The following MLLT10 variants were observed in gnomAD, a reference collection of about 807,000 sequenced individuals.
MLLT10 encodes the protein protein AF-10.
A neutral mutation model predicts 129.1 loss-of-function variants in MLLT10; 30 were observed. The ratio of observed to expected loss-of-function variants is 0.23; its 90% CI spans 0.17 to 0.32. The LOEUF (loss-of-function observed/expected upper bound fraction) is 0.32. Ranked by LOEUF, MLLT10 falls within the 10% of genes least tolerant of loss-of-function variation. The probability of loss-of-function intolerance (pLI) is 1.00; values close to 1 mark genes in which losing one functional copy is unlikely to be tolerated. For missense variants in MLLT10, 1,119 were observed against 1,268.3 expected (o/e 0.88, Z 1.79); for synonymous variants, 490 against 446.4 (o/e 1.10, Z -1.23).
intron 8 of MLLT10, chr10:21,626,090 G>C (rs1026462052): frequency 1.6e-5 from 26 of 1,601,652 alleles, no homozygotes; most frequent in Non-Finnish European, 2.2e-5. Flanking sequence ...TCCCTTTGTG[G>C]ACTCTTGCAC....
At chr10:21,592,666 C>T (rs1040302602) in intron 4 of MLLT10, among the ~76,000 whole-genome samples, 1 of 152,162 alleles carries the variant, frequency 6.6e-6, no homozygotes, top group African/African-American at 2.4e-5. Context: ...CCGTGTTAGC[C>T]AGGATGGTCT....
At position 21,741,394 on chromosome 10, in the gene MLLT10, AATAGAGTGCTCATAATAGAGAAC is replaced by A. The variant is rs368661856; in HGVS notation, c.3163-543_3163-521del. On this transcript the variant is annotated intron_variant, in intron 22 of 22. Coordinates refer to ENST00000307729, the MANE Select transcript of MLLT10 (RefSeq NM_001195626.3). ...GAAAATCACAGTAATTTAATGAGCT[AATAGAGTGCTCATAATAGAGAAC>A]ACAGTGCTGGGAGGTGCTGTTTGCT... Among the ~76,000 whole-genome samples, 1,372 of 152,318 alleles carry A rather than the reference AATAGAGTGCTCATAATAGAGAAC, an allele frequency of 9.0e-3. 21 individuals carry two copies. Among genetic ancestry groups the A allele is most frequent in the African/African-American group, 0.031 (1,296 of 41,564 alleles).
In MLLT10 at chr10:21,733,717, C is replaced by A. The variant is rs146033832; in HGVS notation, c.2497-51C>A. ...TAAACTTAGTTTCTCTTCTTTCTTACGCTGGGACTTAATGTCCAGTGGACT... is the reference window on the plus strand; with the variant it reads ...TAAACTTAGTTTCTCTTCTTTCTTAAGCTGGGACTTAATGTCCAGTGGACT... On this transcript the variant is annotated intron_variant, in intron 19 of 22. Coordinates refer to ENST00000307729, the MANE Select transcript of MLLT10 (RefSeq NM_001195626.3). 391 of 1,549,282 alleles carry A rather than the reference C, an allele frequency of 2.5e-4. 5 individuals carry two copies. In the South Asian group the frequency reaches 4.1e-3, roughly 16 times the overall value.
At chr10:21,626,120 C>T (rs181471485) in intron 8 of MLLT10, 1 of 1,610,096 alleles carries the variant, frequency 6.2e-7, no homozygotes. Flanking sequence ...CTGTTTCTCT[C>T]TCTGCCTGTA....
intron 3 of MLLT10, among the ~76,000 whole-genome samples, chr10:21,566,478 A>C (rs2039587255): frequency 6.6e-6 from 1 of 150,954 alleles, no homozygotes; most frequent in Admixed American, 6.6e-5. Context: ...ACAGGCATCT[A>C]CTGTAAGCCC....
intron 8 of MLLT10, among the ~76,000 whole-genome samples, chr10:21,627,296 T>A (rs995282215): frequency 1.3e-5 from 2 of 152,156 alleles, no homozygotes; most frequent in Non-Finnish European, 2.9e-5. Flanking sequence ...AGTACTAAAG[T>A]GTATAGTTTT....
chr10:21,686,205 A>T (rs1396734520), intron 13 of MLLT10, among the ~76,000 whole-genome samples: 1 of 152,142 alleles, frequency 6.6e-6, no homozygotes, highest in Non-Finnish European at 1.5e-5. Flanking sequence ...ACAAAACCAA[A>T]CATGAAATAC....
At chr10:21,713,982 T>C (rs753898761) in intron 14 of MLLT10, 32 bp downstream of exon 14, 7 of 1,556,990 alleles carry the variant, frequency 4.5e-6, no homozygotes, top group East Asian at 4.6e-5. Flanking sequence ...TGACAGGTAA[T>C]AGGTGGGTTT....
At chr10:21,541,109 G>T (rs2035068169) in intron 3 of MLLT10, among the ~76,000 whole-genome samples, 1 of 152,090 alleles carries the variant, frequency 6.6e-6, no homozygotes, top group African/African-American at 2.4e-5. Context: ...CCAGTGAGCT[G>T]AGGTTGCGCC....
chr10:21,582,613 AG>A (rs2041592936), intron 3 of MLLT10, among the ~76,000 whole-genome samples: 1 of 152,140 alleles, frequency 6.6e-6, no homozygotes, highest in African/African-American at 2.4e-5. Flanking sequence ...AGGTGACTGA[AG>A]TGGTCCTGAT....
At chr10:21,618,254 A>T (rs1322790621) in intron 8 of MLLT10, among the ~76,000 whole-genome samples, 1 of 152,058 alleles carries the variant, frequency 6.6e-6, no homozygotes, top group Non-Finnish European at 1.5e-5. Flanking sequence ...CAAGCTTGTA[A>T]GCCCAGCACT....
At chr10:21,578,851 T>G (rs2131063709) in intron 3 of MLLT10, among the ~76,000 whole-genome samples, 1 of 152,298 alleles carries the variant, frequency 6.6e-6, no homozygotes, top group East Asian at 1.9e-4. Context: ...ACTATGTATA[T>G]TATAAGCCCC....
chr10:21,569,490 G>A (rs1011690690), intron 3 of MLLT10, among the ~76,000 whole-genome samples: 2 of 150,442 alleles, frequency 1.3e-5, no homozygotes, highest in African/African-American at 4.9e-5. Context: ...GCGTGATCTC[G>A]GCTCACTGCA....
At chr10:21,598,491 C>T (rs111774116) in intron 5 of MLLT10, among the ~76,000 whole-genome samples, 1 of 152,142 alleles carries the variant, frequency 6.6e-6, no homozygotes, top group Non-Finnish European at 1.5e-5. Context: ...TATTGCTACT[C>T]TCAGTCAGCA....
At chr10:21,713,043 A>G (rs1589771129) in intron 13 of MLLT10, among the ~76,000 whole-genome samples, 1 of 152,030 alleles carries the variant, frequency 6.6e-6, no homozygotes, top group East Asian at 1.9e-4. Flanking sequence ...GTGCCTCTCA[A>G]AGTGTTTTCA....
At chr10:21,689,847 C>G (rs776806483) in intron 13 of MLLT10, among the ~76,000 whole-genome samples, 3 of 151,578 alleles carry the variant, frequency 2.0e-5, no homozygotes. Flanking sequence ...AGAGCTAATG[C>G]TGAAACAGAG....
intron 8 of MLLT10, among the ~76,000 whole-genome samples, chr10:21,638,752 C>T (rs1362178205): frequency 6.6e-5 from 10 of 152,070 alleles, no homozygotes; most frequent in Non-Finnish European, 1.2e-4. Context: ...ATAGGGAGTG[C>T]ACATCCCCAT....
chr10:21,599,473 A>C (rs1223047312), intron 5 of MLLT10, among the ~76,000 whole-genome samples: 3 of 152,198 alleles, frequency 2.0e-5, no homozygotes, highest in Admixed American at 6.5e-5. Flanking sequence ...TAACTTCTCC[A>C]AATCTAGCCC....
At chr10:21,685,631 C>T (rs550105222) in intron 13 of MLLT10, among the ~76,000 whole-genome samples, 11 of 152,226 alleles carry the variant, frequency 7.2e-5, no homozygotes, top group South Asian at 2.1e-4. Flanking sequence ...CGTGAGCCAC[C>T]GTGCCCAGCC....
Sources: allele counts gnomAD v4.1 joint callset (sites outside exome capture counted in the v4.1 genomes callset), GRCh38; gene constraint gnomAD v4.1.1; transcripts MANE v1.5; gene names NCBI Gene and HGNC (gene_info 2026-07-23, HGNC 2026-07-21).